PLCXD2: variants seen among roughly 807,000 people sequenced by gnomAD.
PLCXD2 encodes PI-PLC X domain-containing protein 2.
A neutral mutation model predicts 28.6 loss-of-function variants in PLCXD2; 21 were observed. That is an observed-to-expected ratio of 0.73 (90% CI 0.52 to 1.06). The LOEUF (loss-of-function observed/expected upper bound fraction) is 1.06. PLCXD2 is among the 50% of genes least tolerant of loss of function. The pLI, the probability that PLCXD2 is intolerant of heterozygous loss-of-function variation, is 0.00. For synonymous variants in PLCXD2, 140 were observed against 150.1 expected (o/e 0.93, Z 0.49); for missense variants, 369 against 376.7 (o/e 0.98, Z 0.17).
At chr3:111,690,243 G>T (rs923806353) in intron 1 of PLCXD2, among the ~76,000 whole-genome samples, 2 of 152,212 alleles carry the variant, frequency 1.3e-5, no homozygotes, top group Admixed American at 6.5e-5. Context: ...TTTGTTGGTT[G>T]TAATAAAGGG....
chr3:111,707,289 A>G (rs1941134586), intron 1 of PLCXD2, among the ~76,000 whole-genome samples: 1 of 152,238 alleles, frequency 6.6e-6, no homozygotes, highest in Non-Finnish European at 1.5e-5. Flanking sequence ...TACAATAGTA[A>G]AATAATATAT....
At chr3:111,695,090 A>G (rs2107850284) in intron 1 of PLCXD2, among the ~76,000 whole-genome samples, 1 of 151,248 alleles carries the variant, frequency 6.6e-6, no homozygotes, top group East Asian at 2.0e-4. Flanking sequence ...ATCATAAGTC[A>G]TTAAAATCCA....
intron 1 of PLCXD2, 123 bp downstream of exon 1, chr3:111,675,531 A>G: frequency 8.6e-7 from 1 of 1,156,190 alleles, no homozygotes; most frequent in Non-Finnish European, 1.3e-6. Context: ...TTTTATTTCC[A>G]AACCAAAAAC....
rs774698589 is a variant in PLCXD2 at position 111,675,286 on chromosome 3, G to T, written c.41G>T (p.Gly14Val). ...AAGGCCAGGAGGAAACTCAGGATGG[G>T]GACCATCTGCTCCCCCAACCCCAGC... is the stretch of plus-strand genomic sequence containing the variant. The change falls in exon 1 of 5, where the codon GGG (glycine) becomes GTG (valine). Residue 14 changes from glycine (G) to valine (V), a missense_variant. Coordinates refer to ENST00000477665, the MANE Select transcript of PLCXD2 (RefSeq NM_001185106.1). The T allele has an allele frequency of 3.7e-6, 6 of 1,614,106 alleles. No homozygotes were observed. In the South Asian group the frequency reaches 6.6e-5, roughly 18 times the overall value.
intron 3 of PLCXD2, chr3:111,723,678 T>C (rs565535338): frequency 2.6e-4 from 39 of 152,320 alleles, no homozygotes; most frequent in African/African-American, 9.1e-4. Flanking sequence ...CTTAACATAT[T>C]GTAAAGGATG....
chr3:111,681,123 G>A (rs1033664129), intron 1 of PLCXD2, among the ~76,000 whole-genome samples: 7 of 152,052 alleles, frequency 4.6e-5, no homozygotes, highest in Non-Finnish European at 8.8e-5. Flanking sequence ...ATCAGATTAG[G>A]GTAACTTGAA....
intron 3 of PLCXD2, among the ~76,000 whole-genome samples, chr3:111,719,486 G>A (rs555427082): frequency 3.3e-5 from 5 of 152,268 alleles, no homozygotes; most frequent in African/African-American, 1.2e-4. Context: ...TAGCCCAAGT[G>A]TCCATCCTGC....
intron 3 of PLCXD2, among the ~76,000 whole-genome samples, chr3:111,714,975 A>T (rs1047920169): frequency 6.6e-6 from 1 of 152,240 alleles, no homozygotes; most frequent in African/African-American, 2.4e-5. Flanking sequence ...TTTCAGGTTG[A>T]CGAGCAGAGT....
chr3:111,683,305 G>T (rs574294314), intron 1 of PLCXD2, among the ~76,000 whole-genome samples: 1 of 152,164 alleles, frequency 6.6e-6, no homozygotes, highest in Non-Finnish European at 1.5e-5. Context: ...GCAGTCTGGT[G>T]TGGTTAGAGC....
At position 111,708,204 on chromosome 3, in the gene PLCXD2, T is replaced by A. The variant is rs200714034; in HGVS notation, c.442T>A (p.Ser148Thr). The change falls in exon 2 of 5, where the codon TCG (serine) becomes ACG (threonine). Residue 148 changes from serine (S) to threonine (T), a missense_variant. By Grantham distance (58) the Ser-to-Thr change is moderately conservative (BLOSUM62 1). Coordinates refer to ENST00000477665, the MANE Select transcript of PLCXD2 (RefSeq NM_001185106.1). ...CTGGGATGGGCTGATGGAAATTGAC[T>A]CGTTTCTTACACAGCACCCCCAGGA... 8.4e-5 allele frequency: 135 copies of A among 1,614,170 alleles called. No homozygotes were observed. The East Asian group carries it at 2.4e-3, about 28-fold the overall frequency.
chr3:111,701,235 A>G (rs563233351), intron 1 of PLCXD2, among the ~76,000 whole-genome samples: 3 of 152,330 alleles, frequency 2.0e-5, no homozygotes, highest in South Asian at 4.1e-4. Context: ...TTACATTTCA[A>G]TATTCACAAT....
At chr3:111,715,708 G>A (rs1217222583) in intron 3 of PLCXD2, among the ~76,000 whole-genome samples, 1 of 152,202 alleles carries the variant, frequency 6.6e-6, no homozygotes, top group Non-Finnish European at 1.5e-5. Context: ...GGGAGCTTAA[G>A]TGACCCCAAT....
intron 3 of PLCXD2, among the ~76,000 whole-genome samples, chr3:111,717,552 A>T (rs1941284172): frequency 6.6e-6 from 1 of 152,214 alleles, no homozygotes; most frequent in Admixed American, 6.5e-5. Context: ...GAAGGTTGAC[A>T]CATGCTACCC....
intron 3 of PLCXD2, among the ~76,000 whole-genome samples, chr3:111,716,151 G>A (rs1941264355): frequency 6.6e-6 from 1 of 152,188 alleles, no homozygotes; most frequent in Admixed American, 6.5e-5. Context: ...AATATTGCAA[G>A]TATGCATGCA....
At chr3:111,710,238 G>C (rs890375286) in intron 2 of PLCXD2, among the ~76,000 whole-genome samples, 1 of 152,180 alleles carries the variant, frequency 6.6e-6, no homozygotes, top group South Asian at 2.1e-4. Context: ...ACTTTTGTAA[G>C]TGATATTTTG....
intron 3 of PLCXD2, among the ~76,000 whole-genome samples, chr3:111,715,053 G>T (rs1422072873): frequency 6.6e-6 from 1 of 152,084 alleles, no homozygotes; most frequent in Non-Finnish European, 1.5e-5. Flanking sequence ...GGTAACATGA[G>T]TTCAGATAAC....
chr3:111,678,223 C>T (rs1576451476), intron 1 of PLCXD2, among the ~76,000 whole-genome samples: 1 of 152,340 alleles, frequency 6.6e-6, no homozygotes, highest in East Asian at 1.9e-4. Context: ...TATTATTTTA[C>T]TTCCGCAACT....
At chr3:111,697,200 T>A (rs1940973009) in intron 1 of PLCXD2, among the ~76,000 whole-genome samples, 1 of 152,164 alleles carries the variant, frequency 6.6e-6, no homozygotes. Context: ...AGCAAAAACA[T>A]TTAAGTTGCA....
chr3:111,720,260 T>C (rs1941327136), intron 3 of PLCXD2, among the ~76,000 whole-genome samples: 1 of 152,004 alleles, frequency 6.6e-6, no homozygotes. Context: ...CAAACTGGAG[T>C]GCAGCTCTTG....
Sources: gnomAD v4.1 joint callset for allele counts (sites outside exome capture counted in the v4.1 genomes callset) on GRCh38, gnomAD v4.1.1 for gene constraint, MANE v1.5 for transcripts, NCBI Gene and HGNC (gene_info 2026-07-23, HGNC 2026-07-21) for gene names.